The following FAM149B1 variants were observed in gnomAD, a reference collection of about 807,000 sequenced individuals.
FAM149B1 encodes primary cilium assembly protein FAM149B1.
A neutral mutation model predicts 75.3 loss-of-function variants in FAM149B1; 56 were observed. That is an observed-to-expected ratio of 0.74 (90% CI 0.60 to 0.93). The LOEUF (loss-of-function observed/expected upper bound fraction) is 0.93. Among genes scored for constraint, FAM149B1 ranks in the 40% least tolerant of loss-of-function variants. The pLI is 0.00. For missense variants in FAM149B1, 639 were observed against 708.4 expected, an observed-to-expected ratio of 0.90 and a Z score of 1.11; for synonymous variants, 259 against 256.1, an observed-to-expected ratio of 1.01 and a Z score of -0.11.
chr10:73,214,239 A>G (rs889249765), intron 7 of FAM149B1, among the ~76,000 whole-genome samples: 1 of 152,238 alleles, frequency 6.6e-6, no homozygotes, highest in Non-Finnish European at 1.5e-5. Flanking sequence ...TTTTCCAGAT[A>G]TAAGATCATA....
intron 5 of FAM149B1, among the ~76,000 whole-genome samples, chr10:73,199,238 G>T (rs201969846): frequency 8.3e-6 from 1 of 119,972 alleles, no homozygotes; most frequent in Non-Finnish European, 1.8e-5. Flanking sequence ...TTGTTGTTGA[G>T]ATGGAGTCTC....
At chr10:73,227,218 G>A (rs2043572568) in intron 7 of FAM149B1, among the ~76,000 whole-genome samples, 1 of 152,116 alleles carries the variant, frequency 6.6e-6, no homozygotes, top group African/African-American at 2.4e-5. Flanking sequence ...CTCCCAAGTA[G>A]CTGGGACCAA....
intron 5 of FAM149B1, among the ~76,000 whole-genome samples, chr10:73,205,965 A>G (rs2133360837): frequency 6.6e-6 from 1 of 152,360 alleles, no homozygotes; most frequent in African/African-American, 2.4e-5. Flanking sequence ...AAACTGGGTA[A>G]TGGGCAGATG....
chr10:73,239,413 CT>C (rs1241248269), intron 13 of FAM149B1, 29 bp downstream of exon 13: 15 of 1,522,752 alleles, frequency 9.9e-6, no homozygotes, highest in Non-Finnish European at 1.3e-5. Flanking sequence ...CCCTTATTTA[CT>C]ACTGTGTGGT....
chr10:73,236,184 A>G (rs1412464768), intron 12 of FAM149B1, among the ~76,000 whole-genome samples: 1 of 151,770 alleles, frequency 6.6e-6, no homozygotes, highest in Non-Finnish European at 1.5e-5. Flanking sequence ...AGACCTCTGT[A>G]TTAGTTTCCT....
chr10:73,235,343 G>T, intron 12 of FAM149B1, 25 bp downstream of exon 12: 1 of 1,550,502 alleles, frequency 6.4e-7, no homozygotes, highest in Non-Finnish European at 8.7e-7. Context: ...TTCCTAGAAT[G>T]GTCTTGATAG....
intron 3 of FAM149B1, among the ~76,000 whole-genome samples, chr10:73,185,675 A>G (rs552474374): frequency 4.9e-4 from 74 of 152,360 alleles, no homozygotes; most frequent in Admixed American, 1.2e-3. Context: ...TCAGAAAATC[A>G]AAGAACACTT....
chr10:73,194,728 G>A (rs1259557650), intron 5 of FAM149B1, among the ~76,000 whole-genome samples: 2 of 150,152 alleles, frequency 1.3e-5, no homozygotes, highest in African/African-American at 2.5e-5. Flanking sequence ...CAAGGCTGGA[G>A]TGCAGTGTGC....
At chr10:73,240,267 T>C (rs1301671450) in intron 13 of FAM149B1, among the ~76,000 whole-genome samples, 2 of 152,204 alleles carry the variant, frequency 1.3e-5, no homozygotes, top group South Asian at 2.1e-4. Context: ...TCAGCAACTA[T>C]GGTAAAAAAC....
intron 5 of FAM149B1, among the ~76,000 whole-genome samples, chr10:73,202,889 C>T (rs2042973504): frequency 6.6e-6 from 1 of 152,046 alleles, no homozygotes; most frequent in Non-Finnish European, 1.5e-5. Flanking sequence ...AGGATTTCGC[C>T]TTTTGCCCAG....
At chr10:73,226,631 A>T (rs1417002097) in intron 7 of FAM149B1, among the ~76,000 whole-genome samples, 1 of 152,254 alleles carries the variant, frequency 6.6e-6, no homozygotes, top group Non-Finnish European at 1.5e-5. Context: ...TAAAATGAGT[A>T]TAAATACTAA....
chr10:73,233,391 A>G (rs1273152639), intron 10 of FAM149B1, among the ~76,000 whole-genome samples: 1 of 151,950 alleles, frequency 6.6e-6, no homozygotes, highest in Non-Finnish European at 1.5e-5. Context: ...CCCAGGCTGG[A>G]GTGCAGTGGA....
intron 2 of FAM149B1, among the ~76,000 whole-genome samples, chr10:73,175,669 CAAAAA>C (rs779685127): frequency 3.1e-5 from 2 of 64,938 alleles, no homozygotes; most frequent in African/African-American, 9.3e-5. Flanking sequence ...GACTCCTTCT[CAAAAA>C]AAAAAAAAAA....
At position 73,174,698 on chromosome 10, in the gene FAM149B1, C is replaced by A. The variant is rs1430173328; in HGVS notation, c.59C>A (p.Thr20Lys). The change falls in exon 2 of 14, where the codon ACA becomes AAA. Residue 20 changes from threonine (T) to lysine (K), a missense_variant. Coordinates refer to ENST00000242505, the MANE Select transcript of FAM149B1 (RefSeq NM_173348.2). ...TTTGTCTTTCACAGGAAAGGAATAA[C>A]AAAACATGCTCTTAACCATCATCCC... ...VPQSLELKGI[T>K]KHALNHHPPP... 1 of 1,549,278 alleles carries A rather than the reference C, an allele frequency of 6.5e-7. No individual in the cohort carries two copies. The highest frequency in any genetic ancestry group is 8.7e-7 in the Non-Finnish European group (1 of 1,145,630).
intron 3 of FAM149B1, among the ~76,000 whole-genome samples, chr10:73,190,224 C>G (rs553847966): frequency 2.7e-5 from 4 of 148,944 alleles, no homozygotes; most frequent in South Asian, 4.2e-4. Flanking sequence ...AGGCAATGTT[C>G]AAAGAAGTAG....
At chr10:73,169,925 G>A (rs1406711522) in intron 1 of FAM149B1, among the ~76,000 whole-genome samples, 1 of 116,450 alleles carries the variant, frequency 8.6e-6, no homozygotes, top group Non-Finnish European at 1.6e-5. Context: ...CCTTCATGGA[G>A]CTATATAATT....
At position 73,192,676 on chromosome 10, in the gene FAM149B1, A is replaced by G; in HGVS notation, c.403A>G (p.Thr135Ala). ...KSLQEECQQW[T>A]ASFPHLRILG... The stretch of plus-strand genomic sequence containing the variant: ...TCTACAAGAAGAGTGCCAACAGTGG[A>G]CAGCTAGCTTTCCTCACCTCAGGTA... Residue 135 changes from threonine to alanine, a missense_variant, in exon 4 of 14, where the codon ACA becomes GCA. Thr to Ala is a moderately conservative substitution (Grantham distance 58). Transcript: ENST00000242505. 6.5e-7 allele frequency: 1 copy of G among 1,547,718 alleles called. No individual in the cohort carries two copies. The highest frequency in any genetic ancestry group is 8.7e-7 in the Non-Finnish European group (1 of 1,146,178).
intron 8 of FAM149B1, among the ~76,000 whole-genome samples, chr10:73,228,995 C>T (rs1394606529): frequency 1.3e-5 from 2 of 152,102 alleles, no homozygotes; most frequent in African/African-American, 2.4e-5. Context: ...CCTCCTGAGT[C>T]GCCACCATAC....
intron 12 of FAM149B1, among the ~76,000 whole-genome samples, chr10:73,236,798 C>T (rs559958315): frequency 6.6e-6 from 1 of 151,880 alleles, no homozygotes; most frequent in South Asian, 2.1e-4. Flanking sequence ...TCACTGCAGC[C>T]TCAACCTCCT....
Sources: allele counts gnomAD v4.1 joint callset (sites outside exome capture counted in the v4.1 genomes callset), GRCh38; gene constraint gnomAD v4.1.1; transcripts MANE v1.5; gene names NCBI Gene and HGNC (gene_info 2026-07-23, HGNC 2026-07-21).